Variants in CERS6 observed in about 807,000 individuals in gnomAD.
The protein encoded by CERS6 is ceramide synthase 6.
A neutral mutation model predicts 56.8 loss-of-function variants in CERS6; 26 were observed. That is an observed-to-expected ratio of 0.46 (90% CI 0.34 to 0.63). The LOEUF is 0.63. Ranked by LOEUF, CERS6 falls within the 30% of genes least tolerant of loss-of-function variation. CERS6 has a pLI of 0.01. For synonymous variants in CERS6, 164 were observed against 173.3 expected (o/e 0.95, Z 0.42); for missense variants, 415 against 467.5 (o/e 0.89, Z 1.04).
chr2:168,563,743 GC>G (rs1187148665), intron 3 of CERS6, among the ~76,000 whole-genome samples: 2 of 152,162 alleles, frequency 1.3e-5, no homozygotes, highest in East Asian at 3.8e-4. Context: ...CTTGCAGTGA[GC>G]CAAGATTGCA....
intron 4 of CERS6, among the ~76,000 whole-genome samples, chr2:168,670,966 T>TGCCC (rs1685893976): frequency 3.3e-5 from 1 of 30,570 alleles, no homozygotes; most frequent in African/African-American, 5.4e-5. Flanking sequence ...GATACATGCT[T>TGCCC]CCCCCCCCCC....
intron 4 of CERS6, among the ~76,000 whole-genome samples, chr2:168,685,711 C>G (rs986977356): frequency 1.3e-5 from 2 of 152,022 alleles, no homozygotes; most frequent in East Asian, 1.9e-4. Flanking sequence ...TGACTTGCAC[C>G]AGCGCTTCTG....
At chr2:168,522,700 G>A (rs999118022) in intron 1 of CERS6, among the ~76,000 whole-genome samples, 5 of 152,004 alleles carry the variant, frequency 3.3e-5, no homozygotes, top group Admixed American at 3.3e-4. Flanking sequence ...CACTGCAACT[G>A]GCTAATTTTT....
At chr2:168,602,468 G>A (rs1307186000) in intron 3 of CERS6, among the ~76,000 whole-genome samples, 1 of 152,140 alleles carries the variant, frequency 6.6e-6, no homozygotes, top group Non-Finnish European at 1.5e-5. Flanking sequence ...AAATCACCCA[G>A]ATCCACCTAC....
At chr2:168,605,421 G>A (rs1286762746) in intron 3 of CERS6, among the ~76,000 whole-genome samples, 1 of 152,208 alleles carries the variant, frequency 6.6e-6, no homozygotes, top group African/African-American at 2.4e-5. Flanking sequence ...AAGGGAAGCA[G>A]AGCATAAGAG....
intron 7 of CERS6, among the ~76,000 whole-genome samples, chr2:168,717,109 A>G (rs951640829): frequency 1.3e-5 from 2 of 152,156 alleles, no homozygotes; most frequent in African/African-American, 4.8e-5. Context: ...AGAGAAAGGG[A>G]TGTGATTTCT....
rs1486357798 is a variant in CERS6, at chr2:168,551,336, T to TTA, written c.276+3638_276+3639dup. On this transcript the variant is annotated intron_variant, in intron 2 of 9. Transcript: ENST00000305747. Reference sequence around the variant, plus strand: ...CCCTGTCTAAAATTTTATAAACACTTTATAGAAACTACTCCTATTGTAAAT... The same window carrying TTA: ...CCCTGTCTAAAATTTTATAAACACTTTATATAGAAACTACTCCTATTGTAAAT... Among the ~76,000 whole-genome samples, 9 of 152,168 alleles carry TTA rather than the reference T, an allele frequency of 5.9e-5. No individual in the cohort carries two copies. The South Asian group carries it at 1.7e-3, about 28-fold the overall frequency.
chr2:168,688,284 CA>C (rs1686406415), intron 4 of CERS6, among the ~76,000 whole-genome samples: 1 of 151,810 alleles, frequency 6.6e-6, no homozygotes, highest in African/African-American at 2.4e-5. Flanking sequence ...ATTTTGACAT[CA>C]AATGAATGTG....
intron 8 of CERS6, among the ~76,000 whole-genome samples, chr2:168,743,370 C>T (rs1683985677): frequency 6.6e-6 from 1 of 152,052 alleles, no homozygotes. Context: ...GCGCAGTGCT[C>T]ACGCCTGTAA....
intron 8 of CERS6, among the ~76,000 whole-genome samples, chr2:168,735,892 A>AAAG (rs1452383978): frequency 6.6e-6 from 1 of 151,038 alleles, no homozygotes; most frequent in Non-Finnish European, 1.5e-5. Context: ...AAAAAAAAAA[A>AAAG]AAAAAAGAAA....
rs114597189 is a variant in CERS6, at chr2:168,459,838, C to G, written c.170+3220C>G. 5.3e-3 allele frequency among the ~76,000 whole-genome samples: 802 copies of G among 152,272 alleles called. 10 individuals carry two copies. Among genetic ancestry groups the G allele is most frequent in the African/African-American group, 0.019 (774 of 41,566 alleles). ...ATAATAAATGCTTCTTCCAACTTCA[C>G]TTTTTCAAAAATGTGTTTTGCTGTG... is the stretch of plus-strand genomic sequence containing the variant. On this transcript the variant is annotated intron_variant, in intron 1 of 9. Coordinates refer to ENST00000305747, the MANE Select transcript of CERS6 (RefSeq NM_203463.3).
intron 1 of CERS6, among the ~76,000 whole-genome samples, chr2:168,475,174 T>C (rs1210701589): frequency 6.6e-6 from 1 of 152,140 alleles, no homozygotes; most frequent in Non-Finnish European, 1.5e-5. Context: ...GGATGGCATG[T>C]ATTAACATTT....
intron 8 of CERS6, among the ~76,000 whole-genome samples, chr2:168,736,201 T>G (rs1683712598): frequency 6.6e-6 from 1 of 152,244 alleles, no homozygotes; most frequent in South Asian, 2.1e-4. Context: ...AAAGAGTTTT[T>G]GTGTATATTA....
chr2:168,543,373 C>T (rs1340424613), intron 1 of CERS6, among the ~76,000 whole-genome samples: 1 of 152,078 alleles, frequency 6.6e-6, no homozygotes, highest in South Asian at 2.1e-4. Context: ...ACCCCCATCC[C>T]CCATCAATCT....
intron 4 of CERS6, among the ~76,000 whole-genome samples, chr2:168,645,112 AAAAAATAT>A (rs1685149062): frequency 2.1e-5 from 1 of 47,734 alleles, no homozygotes; most frequent in Non-Finnish European, 4.1e-5. Context: ...AAAAAAAAAA[AAAAAATAT>A]ATATATATAT....
At chr2:168,538,254 A>G (rs1288366827) in intron 1 of CERS6, among the ~76,000 whole-genome samples, 1 of 152,122 alleles carries the variant, frequency 6.6e-6, no homozygotes, top group East Asian at 1.9e-4. Flanking sequence ...AAAAAAAAAA[A>G]AAAAAGTCCC....
rs74271829 is a variant in CERS6 at position 168,464,174 on chromosome 2, T to G, written c.170+7556T>G. On this transcript the variant is annotated intron_variant, in intron 1 of 9. Transcript: ENST00000305747. Reference sequence around the variant, plus strand: ...TTCTCTGGTCACATATTTATACTTTTTGTGTGTGTGTGTGTGTGTGTGTGT... The same window carrying G: ...TTCTCTGGTCACATATTTATACTTTGTGTGTGTGTGTGTGTGTGTGTGTGT... 6.2e-3 allele frequency among the ~76,000 whole-genome samples: 871 copies of G among 139,814 alleles called. 8 individuals carry two copies. The highest frequency in any genetic ancestry group is 0.018 in the African/African-American group (675 of 37,122). The allele number at this position is 139,814 out of a possible 152,430, so 91.7% of individuals were successfully genotyped here.
At chr2:168,697,841 G>A (rs935794826) in intron 6 of CERS6, among the ~76,000 whole-genome samples, 3 of 152,180 alleles carry the variant, frequency 2.0e-5, no homozygotes, top group Non-Finnish European at 4.4e-5. Flanking sequence ...TTGGCTTCCA[G>A]AAGCCTAGTC....
At position 168,708,986 on chromosome 2, in the gene CERS6, AGT is replaced by A. The variant is rs1405062766; in HGVS notation, c.610-6013_610-6012del. Among the ~76,000 whole-genome samples the A allele has an allele frequency of 1.1e-4, 16 of 152,264 alleles. No homozygotes were observed. The East Asian group carries it at 3.1e-3, about 29-fold the overall frequency. ...GGCATGTACATCAAGATGAATTTGTAGTGCCTCCTGAAAACAATATTATTTCA... is the reference window on the plus strand; with the variant it reads ...GGCATGTACATCAAGATGAATTTGTAGCCTCCTGAAAACAATATTATTTCA... On this transcript the variant is annotated intron_variant, in intron 6 of 9. Coordinates refer to ENST00000305747, the MANE Select transcript of CERS6 (RefSeq NM_203463.3).
Sources: allele counts gnomAD v4.1 joint callset (sites outside exome capture counted in the v4.1 genomes callset), GRCh38; gene constraint gnomAD v4.1.1; transcripts MANE v1.5; gene names NCBI Gene and HGNC (gene_info 2026-07-23, HGNC 2026-07-21).